LNX1: variants seen among roughly 807,000 people sequenced by gnomAD.
LNX1 encodes ligand of numb-protein X 1.
In LNX1, 54 loss-of-function variants were observed where a neutral mutation model predicts 68.4. The observed-to-expected ratio is 0.79, with a 90% CI of 0.63 to 0.99. The LOEUF is 0.99. Among genes scored for constraint, LNX1 ranks in the 50% least tolerant of loss-of-function variants. LNX1 has a pLI of 0.00. For synonymous variants in LNX1, 336 were observed against 350.0 expected (o/e 0.96, Z 0.45); for missense variants, 906 against 926.4 (o/e 0.98, Z 0.29).
At chr4:53,603,675 A>G (rs897899727) in intron 2 of LNX1, 2 of 152,216 alleles carry the variant, frequency 1.3e-5, no homozygotes, top group African/African-American at 4.8e-5. Context: ...AGAGGTTTTA[A>G]ACCACGTCTT....
intron 9 of LNX1, among the ~76,000 whole-genome samples, chr4:53,473,412 C>CA (rs1488156879): frequency 1.3e-5 from 2 of 152,122 alleles, no homozygotes; most frequent in African/African-American, 4.8e-5. Context: ...AAATGCCCAT[C>CA]AATGGTAGAC....
chr4:53,480,198 CT>C, intron 7 of LNX1, among the ~76,000 whole-genome samples: 1 of 152,100 alleles, frequency 6.6e-6, no homozygotes, highest in Non-Finnish European at 1.5e-5. Flanking sequence ...AAATATGTTA[CT>C]TTTTTGTGAG....
Position 53,496,272 on chromosome 4 carries a change from T to C in LNX1, c.1101A>G (p.Gly367=). The change falls in exon 6 of 11, where the codon GGA becomes GGG. Residue 367 remains glycine, a synonymous_variant. Coordinates refer to ENST00000263925, the MANE Select transcript of LNX1 (RefSeq NM_001126328.3). Reference sequence around the variant, plus strand: ...GGGGTCTGTAGGCATCCGGGGCCTGTCCATTGTTCCTGCTGCGGAACTTCT... The same window carrying C: ...GGGGTCTGTAGGCATCCGGGGCCTGCCCATTGTTCCTGCTGCGGAACTTCT... ...REQKFRSRNN[G]QAPDAYRPRD... is the part of the protein sequence containing the mutation. 6.2e-7 allele frequency: 1 copy of C among 1,614,142 alleles called. No homozygotes were observed.
intron 2 of LNX1, among the ~76,000 whole-genome samples, chr4:53,509,326 G>A (rs1470691813): frequency 6.6e-6 from 1 of 152,194 alleles, no homozygotes; most frequent in Non-Finnish European, 1.5e-5. Flanking sequence ...ATATGATTGA[G>A]CTATTTTAAA....
At chr4:53,562,180 A>C (rs184110432) in intron 2 of LNX1, among the ~76,000 whole-genome samples, 22 of 152,326 alleles carry the variant, frequency 1.4e-4, no homozygotes, top group East Asian at 7.7e-4. Flanking sequence ...CAGGATCAAG[A>C]AGTAAAAGCT....
intron 2 of LNX1, among the ~76,000 whole-genome samples, chr4:53,612,460 A>G (rs1733533200): frequency 1.3e-5 from 2 of 152,180 alleles, no homozygotes; most frequent in East Asian, 3.8e-4. Context: ...TGTTTTTGCA[A>G]ATTAGAAAAG....
At chr4:53,525,422 C>T (rs1186126885) in intron 2 of LNX1, among the ~76,000 whole-genome samples, 1 of 152,186 alleles carries the variant, frequency 6.6e-6, no homozygotes, top group African/African-American at 2.4e-5. Context: ...ATGAAGGTTA[C>T]AGTGACAAGA....
At chr4:53,498,165 G>A (rs1165379120) in intron 5 of LNX1, among the ~76,000 whole-genome samples, 1 of 152,120 alleles carries the variant, frequency 6.6e-6, no homozygotes, top group Admixed American at 6.5e-5. Context: ...AGGGCCGTAA[G>A]ACTATAGGAA....
intron 2 of LNX1, among the ~76,000 whole-genome samples, chr4:53,510,475 G>T (rs1388340913): frequency 6.6e-6 from 1 of 152,198 alleles, no homozygotes; most frequent in African/African-American, 2.4e-5. Flanking sequence ...GCTAGTGCTT[G>T]TCCTCAGCTG....
intron 9 of LNX1, among the ~76,000 whole-genome samples, chr4:53,468,827 C>G (rs1722910421): frequency 1.3e-5 from 2 of 152,236 alleles, no homozygotes; most frequent in South Asian, 4.1e-4. Context: ...CAGGAGCACT[C>G]AGATTCATAA....
At chr4:53,477,058 G>C (rs1723611204) in intron 8 of LNX1, 77 bp from the exon 9 acceptor site, 1 of 1,228,892 alleles carries the variant, frequency 8.1e-7, no homozygotes, top group South Asian at 1.2e-5. Context: ...AAGGGGATAG[G>C]GGCTGACTGG....
rs772963688 is a variant in LNX1 at position 53,507,389 on chromosome 4, T to C, written c.703A>G (p.Lys235Glu). The change falls in exon 4 of 11, where the codon AAG becomes GAG. Residue 235 changes from lysine to glutamate, a missense_variant. By Grantham distance (56) the Lys-to-Glu change is moderately conservative. Transcript: ENST00000263925. ...NRALSVLRRT[K>E]SGSAVANHAD... ...TGGTTGGCAACTGCACTCCCGCTCT[T>C]TGTCCTTCGAAGAACACTCAAAGCT... 31 of 1,614,080 alleles carry C rather than the reference T, an allele frequency of 1.9e-5. No homozygotes were observed. In the East Asian group the frequency reaches 5.6e-4, roughly 29 times the overall value.
Position 53,648,305 on chromosome 4 carries a change from A to G in LNX1, c.-215+3863T>C, listed in dbSNP as rs183931099. ...TTTTTAACTTGATAGTAGCCATGCT[A>G]ATGGGTGGGAGGTGGTATCTCATTG... is the stretch of plus-strand genomic sequence containing the variant. On this transcript the variant is annotated intron_variant, in intron 1 of 2. Transcript: ENST00000507168. Among the ~76,000 whole-genome samples the G allele has an allele frequency of 6.6e-4, 101 of 152,276 alleles. 1 individual carries two copies. Among genetic ancestry groups the G allele is most frequent in the Non-Finnish European group, 2.8e-4 (19 of 68,006 alleles).
At chr4:53,472,640 C>A (rs1723284060) in intron 9 of LNX1, among the ~76,000 whole-genome samples, 1 of 125,342 alleles carries the variant, frequency 8.0e-6, no homozygotes. Context: ...TGTATTAAAT[C>A]ATTTATTTGA....
At chr4:53,639,161 A>T (rs1159188265) in intron 1 of LNX1, among the ~76,000 whole-genome samples, 2 of 152,214 alleles carry the variant, frequency 1.3e-5, no homozygotes, top group African/African-American at 4.8e-5. Context: ...ATGAAAAAGA[A>T]CAAAATCATG....
At chr4:53,472,675 ACAACAACAAC>A (rs1367490430) in intron 9 of LNX1, among the ~76,000 whole-genome samples, 1 of 90,916 alleles carries the variant, frequency 1.1e-5, no homozygotes, top group Non-Finnish European at 2.4e-5. Flanking sequence ...AACAACAACA[ACAACAACAAC>A]AAAAAAAAAA....
chr4:53,470,536 G>C (rs1246040110), intron 9 of LNX1, among the ~76,000 whole-genome samples: 4 of 152,176 alleles, frequency 2.6e-5, no homozygotes, highest in Non-Finnish European at 5.9e-5. Context: ...ATTAGGAAAA[G>C]AGGAAGTCAA....
intron 2 of LNX1, among the ~76,000 whole-genome samples, chr4:53,555,994 G>T (rs1729884511): frequency 6.6e-6 from 1 of 152,280 alleles, no homozygotes; most frequent in African/African-American, 2.4e-5. Context: ...GGAATAGCAG[G>T]AATCTGTAGT....
chr4:53,611,615 G>A (rs1733501774), intron 2 of LNX1, among the ~76,000 whole-genome samples: 2 of 152,102 alleles, frequency 1.3e-5, no homozygotes, highest in Admixed American at 1.3e-4. Flanking sequence ...ATCGTATTAG[G>A]TTGGGGCAAA....
Sources: gnomAD v4.1 joint callset for allele counts (sites outside exome capture counted in the v4.1 genomes callset) on GRCh38, gnomAD v4.1.1 for gene constraint, MANE v1.5 for transcripts, NCBI Gene and HGNC (gene_info 2026-07-23, HGNC 2026-07-21) for gene names.